EPB41L5: variants seen among roughly 807,000 people sequenced by gnomAD.
EPB41L5 encodes the protein band 4.1-like protein 5.
EPB41L5 carries 55 observed loss-of-function variants against 106.6 expected under a neutral mutation model. That is an observed-to-expected ratio of 0.52 (90% CI 0.42 to 0.65). The LOEUF (loss-of-function observed/expected upper bound fraction) is 0.65. Among genes scored for constraint, EPB41L5 ranks in the 30% least tolerant of loss-of-function variants. The pLI, the probability that EPB41L5 is intolerant of heterozygous loss-of-function variation, is 0.00. For synonymous variants in EPB41L5, 297 were observed against 306.7 expected, an observed-to-expected ratio of 0.97 and a Z score of 0.33; for missense variants, 871 against 882.1, an observed-to-expected ratio of 0.99 and a Z score of 0.16.
At chr2:120,142,373 C>A (rs1184557275) in intron 18 of EPB41L5, among the ~76,000 whole-genome samples, 1 of 151,984 alleles carries the variant, frequency 6.6e-6, no homozygotes, top group Admixed American at 6.6e-5. Flanking sequence ...TCTTTATCTT[C>A]AAATTTTATT....
intron 24 of EPB41L5, among the ~76,000 whole-genome samples, chr2:120,172,179 A>G (rs753901431): frequency 6.6e-6 from 1 of 152,206 alleles, no homozygotes; most frequent in Non-Finnish European, 1.5e-5. Flanking sequence ...AGGACGTCCT[A>G]TATATGAATC....
intron 12 of EPB41L5, 98 bp downstream of exon 12, chr2:120,090,614 A>G: frequency 9.3e-7 from 1 of 1,069,848 alleles, no homozygotes. Context: ...ACTAAGGTAT[A>G]GAGGAATAAG....
At chr2:120,163,965 A>ATTTTG in intron 21 of EPB41L5, among the ~76,000 whole-genome samples, 1 of 76,594 alleles carries the variant, frequency 1.3e-5, no homozygotes, top group South Asian at 3.8e-4. Context: ...ACTTTTTTTT[A>ATTTTG]TTTTTTTGTA....
chr2:120,032,308 A>T (rs1388537919), intron 2 of EPB41L5, among the ~76,000 whole-genome samples: 1 of 152,122 alleles, frequency 6.6e-6, no homozygotes, highest in Non-Finnish European at 1.5e-5. Flanking sequence ...AAACTGGAAG[A>T]TGGAGGTTGC....
chr2:120,100,780 C>T lies in EPB41L5; in HGVS notation c.1303C>T (p.Gln435Ter). 2 of 1,611,516 alleles carry T rather than the reference C, an allele frequency of 1.2e-6. No homozygotes were observed. Among genetic ancestry groups the T allele is most frequent in the Non-Finnish European group, 1.7e-6 (2 of 1,178,478 alleles). The change falls in exon 16 of 25, where the codon CAG (glutamine) becomes TAG (stop). Residue 435 changes from glutamine (Q) to a stop codon, truncating the protein, a stop_gained. Coordinates refer to ENST00000263713, the MANE Select transcript of EPB41L5 (RefSeq NM_020909.4). LOFTEE classifies it high-confidence loss of function. ...PVPVEIENLP[Q>*]SPGTDQHDRK... The stretch of plus-strand genomic sequence containing the variant: ...GCCAGTGGAGATAGAGAATCTTCCA[C>T]AGAGTCCTGGAACAGACCAGCATGA...
At chr2:120,036,220 T>TAA (rs1553491558) in intron 2 of EPB41L5, among the ~76,000 whole-genome samples, 2 of 152,206 alleles carry the variant, frequency 1.3e-5, no homozygotes, top group Admixed American at 1.3e-4. Flanking sequence ...ACCAAACTCT[T>TAA]AGAGAGCAGT....
In EPB41L5 at chr2:120,179,093, T is replaced by C. The variant is rs1688011365; in HGVS notation, c.*4186T>C. The C allele has an allele frequency of 6.6e-6, 1 of 152,240 alleles. No individual in the cohort carries two copies. Among genetic ancestry groups the C allele is most frequent in the Non-Finnish European group, 1.5e-5 (1 of 68,052 alleles). The allele number at this position is 152,240 out of a possible 1,614,324, so 9.4% of individuals were successfully genotyped here. ...AATGAGAACTCTAGATGTAACTCTA[T>C]TCAAATAAACCTTCGTGAGACATTC... On this transcript the variant is annotated 3_prime_UTR_variant, in exon 25 of 25. Transcript: ENST00000263713.
chr2:120,105,354 T>C (rs1684389319), intron 16 of EPB41L5: 1 of 973,500 alleles, frequency 1.0e-6, no homozygotes, highest in African/African-American at 1.8e-5. Flanking sequence ...GAAGAGTTTA[T>C]AATGCTTCAA....
intron 3 of EPB41L5, among the ~76,000 whole-genome samples, chr2:120,050,378 C>G (rs186764102): frequency 6.6e-6 from 1 of 152,114 alleles, no homozygotes; most frequent in Non-Finnish European, 1.5e-5. Flanking sequence ...TATCTTTTTT[C>G]TCTAAACTTC....
chr2:120,097,549 A>C (rs1683839344), intron 14 of EPB41L5, among the ~76,000 whole-genome samples: 1 of 152,244 alleles, frequency 6.6e-6, no homozygotes, highest in Non-Finnish European at 1.5e-5. Flanking sequence ...AGTCATGAAT[A>C]CTATAAAGTA....
Position 120,178,888 on chromosome 2 carries a change from TATG to T in EPB41L5, c.*3984_*3986del, listed in dbSNP as rs962271237. ...TGCCCCTTTTATCTCCTTATCTGGA[TATG>T]ATAAGTGGTTATGAGGGTCTCACTA... On this transcript the variant is annotated 3_prime_UTR_variant, in exon 25 of 25. Coordinates refer to ENST00000263713, the MANE Select transcript of EPB41L5 (RefSeq NM_020909.4). 33 of 152,258 alleles carry T rather than the reference TATG, an allele frequency of 2.2e-4. No homozygotes were observed. Among genetic ancestry groups the T allele is most frequent in the African/African-American group, 6.8e-4 (28 of 41,472 alleles). 9.4% of individuals were successfully genotyped at this position (152,258 alleles called of 1,614,324 possible). A position where few individuals can be genotyped will look rare whatever the true frequency, so the allele number is the denominator to read the frequency against.
intron 16 of EPB41L5, among the ~76,000 whole-genome samples, chr2:120,115,211 C>T (rs960405185): frequency 2.0e-5 from 3 of 152,090 alleles, no homozygotes; most frequent in African/African-American, 7.2e-5. Context: ...TTCATTTTGC[C>T]AATCTCTGTC....
intron 22 of EPB41L5, among the ~76,000 whole-genome samples, chr2:120,166,462 T>G (rs1687416456): frequency 6.6e-6 from 1 of 151,032 alleles, no homozygotes; most frequent in Admixed American, 6.6e-5. Flanking sequence ...TTTTGTGGGT[T>G]TTTTTTTTTT....
In EPB41L5 at chr2:120,078,467, A is replaced by G. The variant is rs569029005; in HGVS notation, c.715-26A>G. 4.4e-5 allele frequency: 65 copies of G among 1,482,340 alleles called. No homozygotes were observed. The South Asian group carries it at 5.7e-4, about 13-fold the overall frequency. 91.8% of individuals were successfully genotyped at this position (1,482,340 alleles called of 1,614,324 possible). ...AAACCTGTTTTGTACAAATAAAGCT[A>G]ACACATTTTTCTCCCCTTAAATTAG... is the stretch of plus-strand genomic sequence containing the variant. On this transcript the variant is annotated intron_variant, in intron 9 of 24. Coordinates refer to ENST00000263713, the MANE Select transcript of EPB41L5 (RefSeq NM_020909.4).
intron 3 of EPB41L5, among the ~76,000 whole-genome samples, chr2:120,059,748 A>C (rs1269642722): frequency 1.3e-5 from 2 of 152,074 alleles, no homozygotes; most frequent in Non-Finnish European, 2.9e-5. Flanking sequence ...ACAAAAAAAA[A>C]CAAAAAAAGT....
intron 16 of EPB41L5, among the ~76,000 whole-genome samples, chr2:120,115,092 C>T (rs375851491): frequency 5.9e-5 from 9 of 151,920 alleles, no homozygotes; most frequent in Admixed American, 4.6e-4. Flanking sequence ...TCCCTTTTTT[C>T]GTTAGTGTTT....
intron 14 of EPB41L5, among the ~76,000 whole-genome samples, chr2:120,098,788 A>C (rs909456515): frequency 6.6e-6 from 1 of 152,156 alleles, no homozygotes; most frequent in African/African-American, 2.4e-5. Context: ...GCCTCTCTTC[A>C]TTCTTAGGTT....
chr2:120,065,833 A>G (rs1681410956), intron 3 of EPB41L5, among the ~76,000 whole-genome samples: 1 of 152,126 alleles, frequency 6.6e-6, no homozygotes, highest in Non-Finnish European at 1.5e-5. Context: ...TTCTTGAAAT[A>G]GTGTTCTATT....
At chr2:120,074,302 A>C in intron 5 of EPB41L5, 124 bp downstream of exon 5, 1 of 635,394 alleles carries the variant, frequency 1.6e-6, no homozygotes, top group Non-Finnish European at 2.7e-6. Context: ...ACAAGACCTC[A>C]AATAATAGAA....
Sources: gnomAD v4.1 joint callset for allele counts (sites outside exome capture counted in the v4.1 genomes callset) on GRCh38, gnomAD v4.1.1 for gene constraint, MANE v1.5 for transcripts, NCBI Gene and HGNC (gene_info 2026-07-23, HGNC 2026-07-21) for gene names.